SGCZ: variants seen among roughly 807,000 people sequenced by gnomAD.
The protein encoded by SGCZ is sarcoglycan zeta, also known as zeta-sarcoglycan.
SGCZ carries 40 observed loss-of-function variants against 41.3 expected under a neutral mutation model. The ratio of observed to expected loss-of-function variants is 0.97; its 90% CI spans 0.75 to 1.26. The LOEUF (loss-of-function observed/expected upper bound fraction) is 1.26, where lower values mean the gene tolerates loss of function less well. Ranked by LOEUF, SGCZ falls within the 50% of genes most tolerant of loss-of-function variation. SGCZ has a pLI of 0.00. For missense variants in SGCZ, 552 were observed against 369.8 expected (o/e 1.49, Z -4.04); for synonymous variants, 206 against 137.5 (o/e 1.50, Z -3.49).
chr8:14,814,485 A>T (rs1187565732), intron 1 of SGCZ, among the ~76,000 whole-genome samples: 2 of 152,208 alleles, frequency 1.3e-5, no homozygotes, highest in Non-Finnish European at 2.9e-5. Flanking sequence ...GGAGGCTCCT[A>T]AGAGGGCCCC....
chr8:14,671,420 A>G (rs1416089063), intron 1 of SGCZ, among the ~76,000 whole-genome samples: 1 of 152,210 alleles, frequency 6.6e-6, no homozygotes, highest in Non-Finnish European at 1.5e-5. Context: ...GAAAAGAAAA[A>G]GCCAAGTTTG....
rs1411333353 is a variant in SGCZ at position 15,008,727 on chromosome 8, G to A, written c.39+228858C>T. On this transcript the variant is annotated intron_variant, in intron 1 of 7. Transcript: ENST00000382080. Reference sequence around the variant, plus strand: ...GAAAAGGGGAGGAGGGAGGGGAGGAGGGGGGAGGAGGGAGGGGAAGAGGGG... The same window carrying A: ...GAAAAGGGGAGGAGGGAGGGGAGGAAGGGGGAGGAGGGAGGGGAAGAGGGG... Among the ~76,000 whole-genome samples, 78 of 61,452 alleles carry A rather than the reference G, an allele frequency of 1.3e-3. 1 individual carries two copies. Among genetic ancestry groups the A allele is most frequent in the African/African-American group, 5.1e-3 (76 of 14,846 alleles). 40.3% of individuals were successfully genotyped at this position (61,452 alleles called of 152,430 possible).
chr8:14,215,857 T>C (rs569764319), intron 4 of SGCZ, among the ~76,000 whole-genome samples: 1 of 152,332 alleles, frequency 6.6e-6, no homozygotes, highest in South Asian at 2.1e-4. Flanking sequence ...GAAAATACCT[T>C]GGCCCAGATG....
At chr8:14,914,866 A>G (rs75198855) in intron 1 of SGCZ, among the ~76,000 whole-genome samples, 1 of 152,148 alleles carries the variant, frequency 6.6e-6, no homozygotes, top group Admixed American at 6.6e-5. Flanking sequence ...ACGATGTAGA[A>G]GAGTTTGCTC....
intron 2 of SGCZ, among the ~76,000 whole-genome samples, chr8:14,431,663 C>T (rs564628614): frequency 2.6e-4 from 40 of 152,120 alleles, no homozygotes; most frequent in Non-Finnish European, 5.4e-4. Flanking sequence ...AAATCAAATG[C>T]AATAAACATA....
At chr8:14,807,257 G>T (rs1423650150) in intron 1 of SGCZ, among the ~76,000 whole-genome samples, 1 of 152,070 alleles carries the variant, frequency 6.6e-6, no homozygotes, top group African/African-American at 2.4e-5. Flanking sequence ...AAGAAATAAA[G>T]GGTATTCAAT....
At chr8:14,590,419 G>C (rs1397178858) in intron 1 of SGCZ, among the ~76,000 whole-genome samples, 3 of 151,754 alleles carry the variant, frequency 2.0e-5, no homozygotes, top group African/African-American at 4.8e-5. Flanking sequence ...ATTGTTGTCT[G>C]TGTTTCATTA....
intron 1 of SGCZ, among the ~76,000 whole-genome samples, chr8:14,613,138 G>T (rs570531361): frequency 6.6e-6 from 1 of 152,318 alleles, no homozygotes; most frequent in East Asian, 1.9e-4. Flanking sequence ...AACCTGCTGG[G>T]AGGGTGCATG....
At chr8:14,181,512 G>T (rs975646499) in intron 4 of SGCZ, among the ~76,000 whole-genome samples, 1 of 152,206 alleles carries the variant, frequency 6.6e-6, no homozygotes, top group African/African-American at 2.4e-5. Flanking sequence ...GTTACCTGTT[G>T]ATATGGTTTG....
chr8:14,233,245 T>G (rs1032149115), intron 4 of SGCZ, among the ~76,000 whole-genome samples: 6 of 151,992 alleles, frequency 3.9e-5, no homozygotes, highest in African/African-American at 7.2e-5. Flanking sequence ...TTTTAGCTAT[T>G]ACTTCATCAA....
chr8:14,264,499 C>T (rs1799803752), intron 3 of SGCZ, among the ~76,000 whole-genome samples: 1 of 152,154 alleles, frequency 6.6e-6, no homozygotes, highest in Non-Finnish European at 1.5e-5. Context: ...CTGCGGCAAA[C>T]CTCAGCTTAG....
rs193261805 is a variant in SGCZ, at chr8:14,529,896, A to G, written c.234+24836T>C. ...TTGAAACACATTTCTAAAATATGCA[A>G]TGCACTTTGAAATTGGATCCATTTG... On this transcript the variant is annotated intron_variant, in intron 2 of 7. Coordinates refer to ENST00000382080, the MANE Select transcript of SGCZ (RefSeq NM_139167.4). Among the ~76,000 whole-genome samples, 415 of 152,220 alleles carry G rather than the reference A, an allele frequency of 2.7e-3. 6 individuals carry two copies. The highest frequency in any genetic ancestry group is 9.0e-3 in the African/African-American group (374 of 41,558).
chr8:14,514,702 T>C (rs1372389192), intron 2 of SGCZ, among the ~76,000 whole-genome samples: 6 of 149,116 alleles, frequency 4.0e-5, no homozygotes, highest in Admixed American at 2.0e-4. Flanking sequence ...TACATATATG[T>C]ACACACATTT....
intron 1 of SGCZ, among the ~76,000 whole-genome samples, chr8:14,701,358 G>A (rs1171475663): frequency 2.0e-5 from 3 of 151,838 alleles, no homozygotes; most frequent in Admixed American, 2.0e-4. Flanking sequence ...TCTCTCCCCT[G>A]AGTGGTGAGA....
chr8:14,381,842 G>A (rs981125175), intron 2 of SGCZ, among the ~76,000 whole-genome samples: 1 of 151,908 alleles, frequency 6.6e-6, no homozygotes, highest in Admixed American at 6.6e-5. Flanking sequence ...AAAGCCCTAG[G>A]CTTTATGCAC....
intron 5 of SGCZ, among the ~76,000 whole-genome samples, chr8:14,117,198 G>C (rs1802550084): frequency 1.3e-5 from 2 of 152,050 alleles, no homozygotes; most frequent in Admixed American, 1.3e-4. Flanking sequence ...CATTAGACCT[G>C]CTGATATAAA....
At chr8:14,677,506 T>C (rs1253751129) in intron 1 of SGCZ, among the ~76,000 whole-genome samples, 1 of 152,124 alleles carries the variant, frequency 6.6e-6, no homozygotes, top group Non-Finnish European at 1.5e-5. Context: ...GCGGGGTGGC[T>C]CACACCTGTA....
intron 1 of SGCZ, among the ~76,000 whole-genome samples, chr8:14,767,786 G>T (rs1407699279): frequency 6.6e-6 from 1 of 152,156 alleles, no homozygotes; most frequent in Non-Finnish European, 1.5e-5. Flanking sequence ...CAAATTCTGT[G>T]TAAAGCACTG....
chr8:14,657,086 C>T (rs11203647), intron 1 of SGCZ, among the ~76,000 whole-genome samples: 55,647 of 151,746 alleles, frequency 0.37, 11,967 homozygotes, highest in East Asian at 0.62. Flanking sequence ...TTTTCAATAA[C>T]TTTTTAAATT....
Sources: allele counts gnomAD v4.1 joint callset (sites outside exome capture counted in the v4.1 genomes callset), GRCh38; gene constraint gnomAD v4.1.1; transcripts MANE v1.5; gene names NCBI Gene and HGNC (gene_info 2026-07-23, HGNC 2026-07-21).